Variants in ATP6V1E1 observed in about 807,000 individuals in gnomAD.
ATP6V1E1 encodes V-type proton ATPase subunit E 1.
A neutral mutation model predicts 35.2 loss-of-function variants in ATP6V1E1; 21 were observed. That is an observed-to-expected ratio of 0.60 (90% CI 0.42 to 0.86). ATP6V1E1 has a LOEUF of 0.86. Among genes scored for constraint, ATP6V1E1 ranks in the 40% least tolerant of loss-of-function variants. The pLI is 0.00. For missense variants in ATP6V1E1, 183 were observed against 272.6 expected (o/e 0.67, Z 2.32); for synonymous variants, 83 against 87.8 (o/e 0.95, Z 0.30).
chr22:17,602,519 C>T (rs565630725), intron 4 of ATP6V1E1, among the ~76,000 whole-genome samples: 8 of 152,032 alleles, frequency 5.3e-5, no homozygotes, highest in Admixed American at 1.3e-4. Flanking sequence ...GGACTACAGG[C>T]GCACGCCACC....
At chr22:17,628,482 G>C (rs2057936899) in intron 1 of ATP6V1E1, 121 bp downstream of exon 1, 3 of 1,377,448 alleles carry the variant, frequency 2.2e-6, no homozygotes, top group Admixed American at 3.4e-5. Context: ...TGGTGACTTG[G>C]AGCAAGGGAC....
At chr22:17,612,955 G>A in intron 3 of ATP6V1E1, 77 bp from the exon 4 acceptor site, 1 of 1,381,404 alleles carries the variant, frequency 7.2e-7, no homozygotes. Context: ...CTGGGCTCAA[G>A]CAATCCTCCT....
At position 17,592,330 on chromosome 22, in the gene ATP6V1E1, T is replaced by C; in HGVS notation, c.*344A>G. The C allele has an allele frequency of 3.6e-6, 1 of 280,516 alleles. No individual in the cohort carries two copies. The highest frequency in any genetic ancestry group is 6.9e-6 in the Non-Finnish European group (1 of 145,592). 17.4% of individuals were successfully genotyped at this position (280,516 alleles called of 1,614,324 possible). A position where few individuals can be genotyped will look rare whatever the true frequency, so the allele number is the denominator to read the frequency against. ...CGCCTTAAGCCTCAAGAGTGGGGAC[T>C]GCAGGGCCAAACACCAAATACATCA... is the stretch of plus-strand genomic sequence containing the variant. On this transcript the variant is annotated 3_prime_UTR_variant, in exon 9 of 9. Coordinates refer to ENST00000253413, the MANE Select transcript of ATP6V1E1 (RefSeq NM_001696.4).
intron 7 of ATP6V1E1, 185 bp downstream of exon 7, chr22:17,598,009 A>G (rs1024825890): frequency 8.6e-6 from 5 of 580,172 alleles, no homozygotes; most frequent in African/African-American, 5.7e-5. Flanking sequence ...TTAGCCAGCC[A>G]ACAAGGGAGA....
chr22:17,619,635 T>G (rs1391390129), intron 1 of ATP6V1E1, 109 bp from the exon 2 acceptor site: 2 of 934,100 alleles, frequency 2.1e-6, no homozygotes, highest in African/African-American at 1.7e-5. Context: ...CCCGTAATCC[T>G]ACCACTCTGG....
chr22:17,602,277 C>A (rs1480075857), intron 4 of ATP6V1E1, among the ~76,000 whole-genome samples: 1 of 152,018 alleles, frequency 6.6e-6, no homozygotes, highest in Non-Finnish European at 1.5e-5. Context: ...ATAAAAATAA[C>A]TAAAATAGGA....
chr22:17,626,971 T>C (rs1419009905), intron 1 of ATP6V1E1, among the ~76,000 whole-genome samples: 2 of 151,488 alleles, frequency 1.3e-5, no homozygotes, highest in African/African-American at 2.4e-5. Flanking sequence ...CCACCACACC[T>C]GGCGTGTATT....
rs2057825185 is a variant in ATP6V1E1 at position 17,613,413 on chromosome 22, C to A, written c.100-93G>T. The A allele has an allele frequency of 5.5e-6, 5 of 911,958 alleles. No homozygotes were observed. The African/African-American group carries it at 8.4e-5, about 15-fold the overall frequency. 56.5% of individuals were successfully genotyped at this position (911,958 alleles called of 1,614,324 possible). On this transcript the variant is annotated intron_variant, in intron 2 of 8. Transcript: ENST00000253413. ...GACCTGCGTTACTTGCTTATGAACA[C>A]TAATTTCATATATAAAACAGAAAAT...
intron 6 of ATP6V1E1, 87 bp from the exon 7 acceptor site, chr22:17,598,375 C>A: frequency 9.6e-7 from 1 of 1,040,214 alleles, no homozygotes; most frequent in Non-Finnish European, 1.5e-6. Context: ...AGCAAGGATA[C>A]CTCCATTTAT....
intron 1 of ATP6V1E1, among the ~76,000 whole-genome samples, chr22:17,625,096 A>G (rs1161873382): frequency 6.6e-6 from 1 of 152,180 alleles, no homozygotes; most frequent in Non-Finnish European, 1.5e-5. Flanking sequence ...GTTCTGTAAG[A>G]ATATTGTATG....
intron 1 of ATP6V1E1, among the ~76,000 whole-genome samples, chr22:17,628,303 GACTAGGC>G (rs1249022355): frequency 6.6e-6 from 1 of 152,192 alleles, no homozygotes; most frequent in Non-Finnish European, 1.5e-5. Context: ...ATCTCTGTCC[GACTAGGC>G]ACAGTGAATA....
chr22:17,627,650 C>T (rs2057921561), intron 1 of ATP6V1E1, among the ~76,000 whole-genome samples: 1 of 150,470 alleles, frequency 6.6e-6, no homozygotes, highest in Admixed American at 6.6e-5. Context: ...GAGACCCTGC[C>T]TCTACTAAAA....
chr22:17,614,224 C>T (rs954634617), intron 2 of ATP6V1E1, among the ~76,000 whole-genome samples: 1 of 151,926 alleles, frequency 6.6e-6, no homozygotes, highest in Non-Finnish European at 1.5e-5. Flanking sequence ...GCGGCGCATG[C>T]CTGTAATCCC....
At chr22:17,627,158 CTT>C (rs112782925) in intron 1 of ATP6V1E1, among the ~76,000 whole-genome samples, 2 of 146,922 alleles carry the variant, frequency 1.4e-5, no homozygotes, top group Admixed American at 6.8e-5. Flanking sequence ...CCCAGACAAT[CTT>C]TTTTTTTTTA....
intron 4 of ATP6V1E1, among the ~76,000 whole-genome samples, chr22:17,606,201 A>C (rs530872643): frequency 9.2e-5 from 14 of 152,140 alleles, no homozygotes; most frequent in Non-Finnish European, 2.1e-4. Flanking sequence ...ATTTTCTTTT[A>C]ATTTTTACCC....
At chr22:17,599,933 A>T in intron 6 of ATP6V1E1, 94 bp downstream of exon 6, 8 of 1,006,776 alleles carry the variant, frequency 7.9e-6, no homozygotes, top group Non-Finnish European at 1.2e-5. Flanking sequence ...CAAAAAAAAA[A>T]GAAAAGGAAG....
intron 6 of ATP6V1E1, 128 bp downstream of exon 6, chr22:17,599,899 C>G (rs1312871308): frequency 1.3e-6 from 1 of 746,496 alleles, no homozygotes; most frequent in Non-Finnish European, 2.2e-6. Flanking sequence ...GCACTCCATC[C>G]TGGACAACAG....
chr22:17,619,457 T>G lies in ATP6V1E1; in HGVS notation c.99+4A>C. 6 of 1,600,260 alleles carry G rather than the reference T, an allele frequency of 3.7e-6. No individual in the cohort carries two copies. The highest frequency in any genetic ancestry group is 5.1e-6 in the Non-Finnish European group (6 of 1,172,876). ...ACTTCTTAAAACTAGAAAATGAATC[T>G]CACCTTTGCATCTATTTCTTCTGCT... On this transcript the variant is annotated splice_donor_region_variant and intron_variant, in intron 2 of 8. Coordinates refer to ENST00000253413, the MANE Select transcript of ATP6V1E1 (RefSeq NM_001696.4).
chr22:17,608,464 C>T lies in ATP6V1E1; in HGVS notation c.276+4348G>A, dbSNP rs1395436278. On this transcript the variant is annotated intron_variant, in intron 4 of 8. Transcript: ENST00000253413. ...TTTTAGAGACAGGGTCTCCCTGTGT[C>T]ATTTATGCTGGAATGCAGTGGCATA... is the stretch of plus-strand genomic sequence containing the variant. Among the ~76,000 whole-genome samples, 5 of 152,142 alleles carry T rather than the reference C, an allele frequency of 3.3e-5. No individual in the cohort carries two copies. The East Asian group carries it at 7.7e-4, about 24-fold the overall frequency.
Sources: allele counts gnomAD v4.1 joint callset (sites outside exome capture counted in the v4.1 genomes callset), GRCh38; gene constraint gnomAD v4.1.1; transcripts MANE v1.5; gene names NCBI Gene and HGNC (gene_info 2026-07-23, HGNC 2026-07-21).